Variants in LINGO2 observed in about 807,000 individuals in gnomAD.
The protein encoded by LINGO2 is leucine-rich repeat and immunoglobulin-like domain-containing nogo receptor-interacting protein 2.
Under a neutral mutation model 30.6 loss-of-function variants are expected in LINGO2, and 14 were observed. The observed-to-expected ratio is 0.46, with a 90% CI of 0.30 to 0.72. LINGO2 has a LOEUF of 0.72. Ranked by LOEUF, LINGO2 falls within the 30% of genes least tolerant of loss-of-function variation. The pLI, the probability that LINGO2 is intolerant of heterozygous loss-of-function variation, is 0.07. For synonymous variants in LINGO2, 317 were observed against 288.5 expected, an observed-to-expected ratio of 1.10 and a Z score of -1.00; for missense variants, 729 against 751.7, an observed-to-expected ratio of 0.97 and a Z score of 0.35.
At chr9:29,118,770 G>A in the LINGO2 span, among the ~76,000 whole-genome samples, 6 of 152,120 alleles carry the variant, frequency 3.9e-5, no homozygotes. Flanking sequence ...TGGGCCCACT[G>A]ATACAGGTCC....
chr9:28,481,591 C>G (rs1825965329), intron 1 of LINGO2, among the ~76,000 whole-genome samples: 1 of 151,878 alleles, frequency 6.6e-6, no homozygotes, highest in Non-Finnish European at 1.5e-5. Context: ...TGTCGCCCTC[C>G]TCTGTGTAAG....
chr9:28,633,967 T>C (rs986956622), intron 1 of LINGO2, among the ~76,000 whole-genome samples: 3 of 152,204 alleles, frequency 2.0e-5, no homozygotes, highest in African/African-American at 7.2e-5. Context: ...TAGCTTCCTG[T>C]GAGTAGGTCT....
At chr9:28,446,305 T>C (rs181835997) in intron 2 of LINGO2, among the ~76,000 whole-genome samples, 20 of 152,344 alleles carry the variant, frequency 1.3e-4, no homozygotes, top group Admixed American at 1.2e-3. Flanking sequence ...CTCTCCATTA[T>C]GTTGTTATGC....
At chr9:28,025,135 C>T (rs561326425) in intron 4 of LINGO2, among the ~76,000 whole-genome samples, 3 of 152,266 alleles carry the variant, frequency 2.0e-5, no homozygotes, top group East Asian at 1.9e-4. Context: ...TGCTGAGAAA[C>T]GCAGGTCACT....
At chr9:28,307,181 T>G (rs780327734) in intron 3 of LINGO2, among the ~76,000 whole-genome samples, 101 of 152,146 alleles carry the variant, frequency 6.6e-4, no homozygotes, top group Non-Finnish European at 1.3e-3. Context: ...AAATCCTCAA[T>G]AAAATACTGG....
chr9:28,512,922 G>T (rs2135371637), intron 1 of LINGO2, among the ~76,000 whole-genome samples: 1 of 151,842 alleles, frequency 6.6e-6, no homozygotes, highest in Admixed American at 6.6e-5. Context: ...AGTTTCACTT[G>T]CAGCTTATTA....
At chr9:27,995,997 G>A (rs200577381) in intron 5 of LINGO2, among the ~76,000 whole-genome samples, 1 of 151,986 alleles carries the variant, frequency 6.6e-6, no homozygotes, top group Non-Finnish European at 1.5e-5. Flanking sequence ...TGTTAGAACT[G>A]ATAAATTAAT....
At chr9:28,335,579 C>G (rs966045152) in intron 3 of LINGO2, among the ~76,000 whole-genome samples, 2 of 152,106 alleles carry the variant, frequency 1.3e-5, no homozygotes, top group Non-Finnish European at 1.5e-5. Flanking sequence ...AAGAATCTTA[C>G]CCCAGTTTGA....
chr9:28,067,783 A>C (rs554743851), intron 4 of LINGO2, among the ~76,000 whole-genome samples: 26 of 152,160 alleles, frequency 1.7e-4, no homozygotes, highest in Admixed American at 5.9e-4. Context: ...TTAATAATTT[A>C]TGAATTATTT....
chr9:28,498,745 C>T (rs928204978), intron 1 of LINGO2, among the ~76,000 whole-genome samples: 4 of 152,112 alleles, frequency 2.6e-5, no homozygotes, highest in Non-Finnish European at 4.4e-5. Flanking sequence ...TCTTCTGCGT[C>T]GCTCATGCTG....
At chr9:28,557,483 A>C (rs553524873) in intron 1 of LINGO2, among the ~76,000 whole-genome samples, 1 of 152,112 alleles carries the variant, frequency 6.6e-6, no homozygotes, top group African/African-American at 2.4e-5. Context: ...CGATCATTAA[A>C]AAGTCAGAAA....
intron 3 of LINGO2, among the ~76,000 whole-genome samples, chr9:28,366,607 A>T (rs1820686645): frequency 6.6e-6 from 1 of 152,146 alleles, no homozygotes; most frequent in Non-Finnish European, 1.5e-5. Context: ...AGGTAGGATC[A>T]TTCACTTGCA....
intron 1 of LINGO2, among the ~76,000 whole-genome samples, chr9:28,533,090 C>T (rs1479777433): frequency 6.6e-6 from 1 of 151,954 alleles, no homozygotes. Context: ...CAGACCCACC[C>T]TCAATCTAAT....
intron 4 of LINGO2, among the ~76,000 whole-genome samples, chr9:28,192,031 A>G (rs1010781908): frequency 6.6e-6 from 1 of 152,004 alleles, no homozygotes; most frequent in Admixed American, 6.6e-5. Context: ...TGTATTTCCA[A>G]CTGCATACTT....
intron 4 of LINGO2, among the ~76,000 whole-genome samples, chr9:28,285,119 C>T (rs914388977): frequency 5.3e-5 from 8 of 152,142 alleles, no homozygotes; most frequent in Non-Finnish European, 2.9e-5. Context: ...TGGATTATCT[C>T]ACTTACCTCT....
At chr9:28,525,707 T>G (rs1433897742) in intron 1 of LINGO2, among the ~76,000 whole-genome samples, 1 of 152,108 alleles carries the variant, frequency 6.6e-6, no homozygotes, top group Non-Finnish European at 1.5e-5. Context: ...TGGTGACATT[T>G]TCTAAAACCA....
the LINGO2 span, among the ~76,000 whole-genome samples, chr9:29,125,672 AT>A: frequency 6.6e-6 from 1 of 152,292 alleles, no homozygotes. Context: ...ATTCTGTGAA[AT>A]TTCTTACAGT....
At chr9:28,020,745 T>G (rs1285413859) in intron 4 of LINGO2, among the ~76,000 whole-genome samples, 1 of 152,182 alleles carries the variant, frequency 6.6e-6, no homozygotes, top group Non-Finnish European at 1.5e-5. Context: ...TCAGATTGTA[T>G]CAATTTCTCC....
At chr9:28,963,235 A>G in the LINGO2 span, among the ~76,000 whole-genome samples, 2 of 151,976 alleles carry the variant, frequency 1.3e-5, no homozygotes, top group Non-Finnish European at 2.9e-5. Flanking sequence ...TATTTTATAT[A>G]TCACTATAAG....
Sources: allele counts gnomAD v4.1 joint callset (sites outside exome capture counted in the v4.1 genomes callset), GRCh38; gene constraint gnomAD v4.1.1; transcripts MANE v1.5; gene names NCBI Gene and HGNC (gene_info 2026-07-23, HGNC 2026-07-21).